Variants in DOCK5 observed in about 807,000 individuals in gnomAD.
DOCK5 encodes the protein dedicator of cytokinesis protein 5.
In DOCK5, 142 loss-of-function variants were observed where a neutral mutation model predicts 251.8. That is an observed-to-expected ratio of 0.56 (90% CI 0.49 to 0.65). DOCK5 has a LOEUF of 0.65. Among genes scored for constraint, DOCK5 ranks in the 30% least tolerant of loss-of-function variants. The pLI, the probability that DOCK5 is intolerant of heterozygous loss-of-function variation, is 0.00. For synonymous variants in DOCK5, 842 were observed against 835.5 expected (o/e 1.01, Z -0.13); for missense variants, 2,111 against 2,312.3 (o/e 0.91, Z 1.79).
Position 25,414,982 on chromosome 8 carries a change from T to G in DOCK5, c.*3684T>G, listed in dbSNP as rs1195206430. The G allele has an allele frequency of 6.6e-6, 1 of 151,714 alleles. No individual in the cohort carries two copies. The highest frequency in any genetic ancestry group is 1.5e-5 in the Non-Finnish European group (1 of 67,952). 9.4% of individuals were successfully genotyped at this position (151,714 alleles called of 1,614,324 possible). On this transcript the variant is annotated 3_prime_UTR_variant, in exon 52 of 52. Coordinates refer to ENST00000276440, the MANE Select transcript of DOCK5 (RefSeq NM_024940.8). Reference sequence around the variant, plus strand: ...AGCCCTAGCTGCTTTTATTCTGCTTTTTATTTAAACAAAAAGAGGGGGAGG... The same window carrying G: ...AGCCCTAGCTGCTTTTATTCTGCTTGTTATTTAAACAAAAAGAGGGGGAGG...
intron 26 of DOCK5, among the ~76,000 whole-genome samples, chr8:25,350,185 G>A (rs1487151150): frequency 1.3e-5 from 2 of 152,126 alleles, no homozygotes; most frequent in South Asian, 2.1e-4. Flanking sequence ...TGTTGTACAC[G>A]CTGGATAAGT....
At position 25,410,217 on chromosome 8, in the gene DOCK5, G is replaced by T; in HGVS notation, c.5508+15G>T. On this transcript the variant is annotated intron_variant, in intron 51 of 51. Coordinates refer to ENST00000276440, the MANE Select transcript of DOCK5 (RefSeq NM_024940.8). ...ACTCCACTGAGGTAGGGAAATCACA[G>T]CTGGCAACTGTGGCCAGGGAGCGCC... The T allele has an allele frequency of 6.2e-7, 1 of 1,609,482 alleles. No homozygotes were observed. The highest frequency in any genetic ancestry group is 8.5e-7 in the Non-Finnish European group (1 of 1,176,624).
At chr8:25,314,145 C>G (rs966802502) in intron 13 of DOCK5, among the ~76,000 whole-genome samples, 3 of 141,726 alleles carry the variant, frequency 2.1e-5, no homozygotes, top group African/African-American at 7.9e-5. Flanking sequence ...AGGTCTTGCT[C>G]TGTAGCGCAG....
chr8:25,310,249 T>C (rs928958430), intron 12 of DOCK5, among the ~76,000 whole-genome samples, 158 bp from the exon 13 acceptor site: 1 of 152,206 alleles, frequency 6.6e-6, no homozygotes, highest in African/African-American at 2.4e-5. Flanking sequence ...GTTGTGATTT[T>C]AATGGAAGTG....
intron 3 of DOCK5, chr8:25,270,791 C>T (rs1298947770): frequency 1.4e-6 from 1 of 713,154 alleles, no homozygotes; most frequent in East Asian, 2.7e-5. Flanking sequence ...TTTCCACAGG[C>T]AATTGGTTCC....
Position 25,340,962 on chromosome 8 carries a change from C to A in DOCK5, c.2413C>A (p.Pro805Thr), listed in dbSNP as rs369743990. 3.5e-5 allele frequency: 56 copies of A among 1,612,656 alleles called. No individual in the cohort carries two copies. The African/African-American group carries it at 5.1e-4, about 15-fold the overall frequency. ...FLAFNMLMDR[P>T]LEEAVKIKGA... ...TGCTTTCAATATGCTGATGGACAGG[C>A]CTCTGGAGGAAGCCGTCAAGATCAA... is the stretch of plus-strand genomic sequence containing the variant. The change falls in exon 23 of 52, where the codon CCT (proline) becomes ACT (threonine). Residue 805 changes from proline to threonine, a missense_variant. Transcript: ENST00000276440.
At chr8:25,199,546 G>T (rs1801829606) in intron 1 of DOCK5, among the ~76,000 whole-genome samples, 1 of 152,074 alleles carries the variant, frequency 6.6e-6, no homozygotes, top group African/African-American at 2.4e-5. Context: ...ACCACACCCG[G>T]CTAATTTTTG....
intron 7 of DOCK5, among the ~76,000 whole-genome samples, 197 bp from the exon 8 acceptor site, chr8:25,298,747 T>G (rs1804681317): frequency 6.6e-6 from 1 of 152,168 alleles, no homozygotes. Flanking sequence ...AATTTTTTTG[T>G]AGAGACAGAG....
At chr8:25,362,501 C>T (rs1299266586) in intron 28 of DOCK5, among the ~76,000 whole-genome samples, 2 of 121,088 alleles carry the variant, frequency 1.7e-5, no homozygotes, top group African/African-American at 6.5e-5. Context: ...GAGTCTCACT[C>T]TGCTGCCCAG....
At chr8:25,240,389 A>G (rs1041826161) in intron 1 of DOCK5, among the ~76,000 whole-genome samples, 2 of 152,154 alleles carry the variant, frequency 1.3e-5, no homozygotes, top group Admixed American at 6.5e-5. Context: ...TTGTGTAAAT[A>G]TCACCGCAAC....
intron 30 of DOCK5, among the ~76,000 whole-genome samples, chr8:25,365,918 A>T (rs571730896): frequency 6.6e-6 from 1 of 152,330 alleles, no homozygotes; most frequent in Admixed American, 6.5e-5. Flanking sequence ...GCACATATAG[A>T]TGAATATATA....
chr8:25,390,271 C>T lies in DOCK5; in HGVS notation c.4339C>T (p.Pro1447Ser), dbSNP rs1801234565. The T allele has an allele frequency of 6.3e-7, 1 of 1,583,396 alleles. No homozygotes were observed. The highest frequency in any genetic ancestry group is 1.8e-5 in the Admixed American group (1 of 55,498). ...GCCCAGCTACAAGGATAAACCTGTT[C>T]CAGAGCAGATCTTAAAGTAAGTGGT... Reference protein sequence around the residue: ...LPPSYKDKPVPEQILNYYRAN... With the variant: ...LPPSYKDKPVSEQILNYYRAN... The change falls in exon 42 of 52, where the codon CCA becomes TCA. Residue 1447 changes from proline to serine, a missense_variant. Around this residue, in one of 3 missense-constraint regions of DOCK5, gnomAD observed 1,717 missense variants for 1,892.4 expected, o/e 0.91. Coordinates refer to ENST00000276440, the MANE Select transcript of DOCK5 (RefSeq NM_024940.8).
chr8:25,378,975 G>T (rs1163071116), intron 38 of DOCK5, among the ~76,000 whole-genome samples: 1 of 152,138 alleles, frequency 6.6e-6, no homozygotes, highest in East Asian at 1.9e-4. Flanking sequence ...GCAACTTTTT[G>T]TTAAGGATTT....
intron 48 of DOCK5, among the ~76,000 whole-genome samples, chr8:25,406,040 G>A (rs769107511): frequency 6.6e-6 from 1 of 151,878 alleles, no homozygotes; most frequent in African/African-American, 2.4e-5. Context: ...CTCACCGCAA[G>A]CTCCGCCTCC....
Position 25,253,538 on chromosome 8 carries a change from A to T in DOCK5, c.127+9781A>T, listed in dbSNP as rs191989178. On this transcript the variant is annotated intron_variant, in intron 2 of 51. Transcript: ENST00000276440. ...TTTAAATGCGTTAGGTTATGTCCAT[A>T]TAACATCACGGTTGGGCTGGCTAAG... 3.3e-5 allele frequency among the ~76,000 whole-genome samples: 5 copies of T among 152,302 alleles called. No individual in the cohort carries two copies. In the South Asian group the frequency reaches 8.3e-4, roughly 25 times the overall value.
rs556120326 is a variant in DOCK5, at chr8:25,241,804, G to A, written c.44-1870G>A. 3.3e-5 allele frequency among the ~76,000 whole-genome samples: 5 copies of A among 151,056 alleles called. No individual in the cohort carries two copies. The South Asian group carries it at 6.2e-4, about 19-fold the overall frequency. Reference sequence around the variant, plus strand: ...GAAGAAAATGTGGCATATATACACCGTGGAATACTATGCAACCATAAAAAA... The same window carrying A: ...GAAGAAAATGTGGCATATATACACCATGGAATACTATGCAACCATAAAAAA... On this transcript the variant is annotated intron_variant, in intron 1 of 51. Transcript: ENST00000276440.
intron 1 of DOCK5, among the ~76,000 whole-genome samples, chr8:25,224,486 A>G (rs911109581): frequency 1.3e-5 from 2 of 152,218 alleles, no homozygotes; most frequent in Non-Finnish European, 2.9e-5. Context: ...TATATTATGG[A>G]CATTCTTATA....
chr8:25,193,042 G>C lies in DOCK5; in HGVS notation c.43+8091G>C, dbSNP rs148753636. Among the ~76,000 whole-genome samples the C allele has an allele frequency of 1.9e-3, 290 of 152,190 alleles. 1 individual carries two copies. Among genetic ancestry groups the C allele is most frequent in the African/African-American group, 6.6e-3 (276 of 41,506 alleles). On this transcript the variant is annotated intron_variant, in intron 1 of 51. Coordinates refer to ENST00000276440, the MANE Select transcript of DOCK5 (RefSeq NM_024940.8). ...CTGCTTTTTCTTCATTAAAAAAGGA[G>C]GAAGCTGATACCCAATGGAATCTTT...
intron 18 of DOCK5, among the ~76,000 whole-genome samples, chr8:25,328,368 G>A (rs573475692): frequency 6.6e-6 from 1 of 152,238 alleles, no homozygotes; most frequent in South Asian, 2.1e-4. Context: ...TACAGAGAGG[G>A]AAAGACGGAG....
Sources: allele counts gnomAD v4.1 joint callset (sites outside exome capture counted in the v4.1 genomes callset), GRCh38; gene constraint gnomAD v4.1.1; regional missense constraint gnomAD v4.1.1; transcripts MANE v1.5; gene names NCBI Gene and HGNC (gene_info 2026-07-23, HGNC 2026-07-21).